GALNT13: variants seen among roughly 807,000 people sequenced by gnomAD.
GALNT13 encodes polypeptide N-acetylgalactosaminyltransferase 13.
In GALNT13, 28 loss-of-function variants were observed where a neutral mutation model predicts 64.2. The ratio of observed to expected loss-of-function variants is 0.44; its 90% CI spans 0.32 to 0.60. GALNT13 has a LOEUF of 0.60. GALNT13 is among the 20% of genes least tolerant of loss of function. The probability of loss-of-function intolerance (pLI) is 0.05; values close to 1 mark genes in which losing one functional copy is unlikely to be tolerated. For synonymous variants in GALNT13, 214 were observed against 224.6 expected (o/e 0.95, Z 0.42); for missense variants, 577 against 669.8 (o/e 0.86, Z 1.53).
chr2:154,387,478 C>T (rs1698568533), intron 9 of GALNT13, among the ~76,000 whole-genome samples: 1 of 152,046 alleles, frequency 6.6e-6, no homozygotes, highest in Admixed American at 6.6e-5. Flanking sequence ...ATACACAATG[C>T]ATCGTTGTTG....
chr2:153,775,162 G>A, the GALNT13 span, among the ~76,000 whole-genome samples: 1 of 152,082 alleles, frequency 6.6e-6, no homozygotes, highest in African/African-American at 2.4e-5. Flanking sequence ...AGACAGAGGA[G>A]GAGGAAGTTT....
the GALNT13 span, among the ~76,000 whole-genome samples, chr2:153,864,387 A>G: frequency 6.6e-6 from 1 of 152,168 alleles, no homozygotes; most frequent in Non-Finnish European, 1.5e-5. Flanking sequence ...GTTCATCAAT[A>G]AATGGTTGGA....
the GALNT13 span, among the ~76,000 whole-genome samples, chr2:153,759,131 CTT>C: frequency 5.9e-5 from 9 of 152,030 alleles, no homozygotes; most frequent in Admixed American, 3.9e-4. Flanking sequence ...ACACTACTGA[CTT>C]TTATATGTTG....
chr2:153,475,446 G>A, the GALNT13 span, among the ~76,000 whole-genome samples: 5 of 152,206 alleles, frequency 3.3e-5, no homozygotes, highest in Non-Finnish European at 7.3e-5. Flanking sequence ...AAGAGAAACT[G>A]CATTTTGCTT....
the GALNT13 span, among the ~76,000 whole-genome samples, chr2:153,221,179 A>T: frequency 3.9e-5 from 6 of 152,152 alleles, no homozygotes; most frequent in East Asian, 9.6e-4. Context: ...AGTATGGCTT[A>T]AAAAACACCC....
At chr2:154,326,814 G>A (rs1694899654) in intron 9 of GALNT13, among the ~76,000 whole-genome samples, 1 of 152,106 alleles carries the variant, frequency 6.6e-6, no homozygotes, top group African/African-American at 2.4e-5. Flanking sequence ...AATCATTTTT[G>A]AGAAGCATTG....
the GALNT13 span, among the ~76,000 whole-genome samples, chr2:153,409,529 C>T: frequency 3.5e-4 from 53 of 151,424 alleles, no homozygotes; most frequent in South Asian, 5.6e-3. Flanking sequence ...AAAGAAAACA[C>T]GAAAAGTAAA....
At chr2:153,697,697 A>T in the GALNT13 span, among the ~76,000 whole-genome samples, 3 of 152,218 alleles carry the variant, frequency 2.0e-5, no homozygotes, top group Non-Finnish European at 2.9e-5. Flanking sequence ...GTAATGGGGT[A>T]GAAGCGGAAA....
the GALNT13 span, among the ~76,000 whole-genome samples, chr2:153,222,910 G>A: frequency 3.3e-5 from 5 of 152,130 alleles, no homozygotes; most frequent in Non-Finnish European, 7.3e-5. Flanking sequence ...TGGGTCCAGA[G>A]AGGCGGCTGG....
At chr2:154,309,971 C>G (rs1356707601) in intron 9 of GALNT13, among the ~76,000 whole-genome samples, 1 of 152,204 alleles carries the variant, frequency 6.6e-6, no homozygotes, top group African/African-American at 2.4e-5. Context: ...ACTTTCTTCC[C>G]AAGAATTCCA....
At chr2:153,618,953 G>A in the GALNT13 span, among the ~76,000 whole-genome samples, 5 of 151,916 alleles carry the variant, frequency 3.3e-5, no homozygotes, top group Non-Finnish European at 7.4e-5. Context: ...CAGATCAATG[G>A]TTCTTGTTTT....
intron 1 of GALNT13, among the ~76,000 whole-genome samples, chr2:153,892,950 G>C (rs999547378): frequency 6.6e-6 from 1 of 151,994 alleles, no homozygotes; most frequent in Non-Finnish European, 1.5e-5. Flanking sequence ...ATCCAGAGTG[G>C]CCTAAAGAAA....
At chr2:153,846,028 C>T in the GALNT13 span, among the ~76,000 whole-genome samples, 1 of 152,142 alleles carries the variant, frequency 6.6e-6, no homozygotes, top group Non-Finnish European at 1.5e-5. Flanking sequence ...AATGTGAAGT[C>T]TTTTCCAGAC....
the GALNT13 span, among the ~76,000 whole-genome samples, chr2:153,664,215 C>T: frequency 9.8e-5 from 15 of 152,296 alleles, no homozygotes; most frequent in Middle Eastern, 3.4e-3. Context: ...TTATCTTCAA[C>T]CACGTAAGAC....
chr2:154,152,623 T>A (rs533310847), intron 4 of GALNT13, among the ~76,000 whole-genome samples: 4 of 152,248 alleles, frequency 2.6e-5, no homozygotes, highest in African/African-American at 9.6e-5. Flanking sequence ...GGAGGCTTTG[T>A]TCATTTCTTT....
At chr2:153,188,338 A>G in the GALNT13 span, among the ~76,000 whole-genome samples, 6 of 152,160 alleles carry the variant, frequency 3.9e-5, no homozygotes, top group African/African-American at 1.2e-4. Context: ...ATTCACCGCA[A>G]TAAGTACAGT....
At chr2:153,153,296 A>G in the GALNT13 span, among the ~76,000 whole-genome samples, 4 of 152,074 alleles carry the variant, frequency 2.6e-5, no homozygotes, top group Middle Eastern at 3.4e-3. Flanking sequence ...GATGCTGTAT[A>G]TTAGACTTTG....
chr2:153,264,628 T>C, the GALNT13 span, among the ~76,000 whole-genome samples: 1 of 152,228 alleles, frequency 6.6e-6, no homozygotes, highest in Non-Finnish European at 1.5e-5. Context: ...TGACATTAGG[T>C]TTTTTGAAGG....
the GALNT13 span, among the ~76,000 whole-genome samples, chr2:153,243,721 A>G: frequency 6.6e-6 from 1 of 151,642 alleles, no homozygotes; most frequent in Non-Finnish European, 1.5e-5. Context: ...TTGATCTTGC[A>G]AAGCATGTTC....
Sources: gnomAD v4.1 joint callset for allele counts (sites outside exome capture counted in the v4.1 genomes callset) on GRCh38, gnomAD v4.1.1 for gene constraint, MANE v1.5 for transcripts, NCBI Gene and HGNC (gene_info 2026-07-23, HGNC 2026-07-21) for gene names.